The following IHO1 variants were observed in gnomAD, a reference collection of about 807,000 sequenced individuals.
The protein encoded by IHO1 is interactor of HORMAD1 1.
A neutral mutation model predicts 31.0 loss-of-function variants in IHO1; 13 were observed. That is an observed-to-expected ratio of 0.42 (90% CI 0.27 to 0.67). The LOEUF is 0.67. Among genes scored for constraint, IHO1 ranks in the 30% least tolerant of loss-of-function variants. The pLI, the probability that IHO1 is intolerant of heterozygous loss-of-function variation, is 0.24. For missense variants in IHO1, 599 were observed against 687.5 expected (o/e 0.87, Z 1.44); for synonymous variants, 221 against 248.4 (o/e 0.89, Z 1.04).
Position 49,244,443 on chromosome 3 carries a change from C to A in IHO1, c.435C>A (p.Ser145Arg). 1 of 1,561,118 alleles carries A rather than the reference C, an allele frequency of 6.4e-7. No homozygotes were observed. Among genetic ancestry groups the A allele is most frequent in the African/African-American group, 1.4e-5 (1 of 72,656 alleles). The change falls in exon 5 of 8, where the codon AGC becomes AGA. Residue 145 changes from serine (S) to arginine (R), a missense_variant. Ser to Arg is a moderately radical substitution (Grantham distance 110). Coordinates refer to ENST00000452691, the MANE Select transcript of IHO1 (RefSeq NM_001135197.2). ...ACTTTGTTTCTAATGTTAGAGAAAG[C>A]ATTCTCAGGGTAAGTACAGATACTT... is the stretch of plus-strand genomic sequence containing the variant. ...LYNFVSNVRE[S>R]ILRLQTSVEK...
intron 1 of IHO1, among the ~76,000 whole-genome samples, chr3:49,203,683 T>C (rs1422158495): frequency 1.3e-5 from 2 of 152,188 alleles, no homozygotes; most frequent in Non-Finnish European, 2.9e-5. Flanking sequence ...TCATGTAACA[T>C]TGGGAAATTC....
At chr3:49,210,015 C>CTCTT (rs1416896327) in intron 1 of IHO1, among the ~76,000 whole-genome samples, 20 of 150,056 alleles carry the variant, frequency 1.3e-4, no homozygotes, top group African/African-American at 3.2e-4. Flanking sequence ...CGCACCCAGC[C>CTCTT]TCTTTCTTTC....
rs765907948 is a variant in IHO1 at position 49,256,456 on chromosome 3, T to C, written c.959T>C (p.Val320Ala). ...MGSLQPGEFDVWGEGAKNDDL... is the reference protein window; with the variant it reads ...MGSLQPGEFDAWGEGAKNDDL... ...TCCCTACAGCCTGGAGAATTTGATGTCTGGGGTGAAGGAGCAAAGAATGAT... is the reference window on the plus strand; with the variant it reads ...TCCCTACAGCCTGGAGAATTTGATGCCTGGGGTGAAGGAGCAAAGAATGAT... Residue 320 changes from valine to alanine, a missense_variant, in exon 8 of 8, where the codon GTC becomes GCC. Physicochemically the swap from Val to Ala is moderately conservative, Grantham distance 64 (BLOSUM62 0). Coordinates refer to ENST00000452691, the MANE Select transcript of IHO1 (RefSeq NM_001135197.2). The surrounding 1 kb of genome is among the most constrained non-coding windows in gnomAD (Gnocchi z 4.6). 10 of 1,614,106 alleles carry C rather than the reference T, an allele frequency of 6.2e-6. No individual in the cohort carries two copies. In the South Asian group the frequency reaches 9.9e-5, roughly 16 times the overall value.
intron 2 of IHO1, among the ~76,000 whole-genome samples, chr3:49,231,994 T>G (rs1055778078): frequency 2.0e-5 from 3 of 152,256 alleles, no homozygotes; most frequent in African/African-American, 7.2e-5. Flanking sequence ...GACTAGCTTA[T>G]GTACATGTAT....
intron 1 of IHO1, among the ~76,000 whole-genome samples, chr3:49,204,348 G>T (rs1268246154): frequency 2.6e-5 from 4 of 152,126 alleles, no homozygotes; most frequent in Non-Finnish European, 5.9e-5. Context: ...TAGTTCTGCA[G>T]GGCTGGCTTC....
intron 6 of IHO1, among the ~76,000 whole-genome samples, chr3:49,248,338 G>C (rs1412776801): frequency 6.6e-6 from 1 of 151,950 alleles, no homozygotes; most frequent in Non-Finnish European, 1.5e-5. Flanking sequence ...AGAATGACGT[G>C]AACCCAGGAT....
At position 49,256,496 on chromosome 3, in the gene IHO1, G is replaced by A. The variant is rs1454006689; in HGVS notation, c.999G>A (p.Glu333=). The A allele has an allele frequency of 2.5e-6, 4 of 1,614,046 alleles. No homozygotes were observed. In the South Asian group the frequency reaches 3.3e-5, roughly 13 times the overall value. ...CAAAGAATGATGATCTCCAAGAAGA[G>A]GCTGCACTGCCAGCATTTGGGTCCC... ...EGAKNDDLQE[E]AALPAFGSHE... is the part of the protein sequence containing the mutation. The change falls in exon 8 of 8, where the codon GAG becomes GAA. Residue 333 remains glutamate, a synonymous_variant. Transcript: ENST00000452691. This position sits in a 1 kb window ranked among gnomAD's most constrained non-coding sequence, Gnocchi z 4.6.
intron 2 of IHO1, among the ~76,000 whole-genome samples, chr3:49,227,637 T>G (rs1310489636): frequency 6.6e-6 from 1 of 152,204 alleles, no homozygotes; most frequent in African/African-American, 2.4e-5. Flanking sequence ...TAGTGGCCCT[T>G]ACCAATGCAT....
intron 3 of IHO1, among the ~76,000 whole-genome samples, chr3:49,238,781 G>T (rs2046589826): frequency 6.6e-6 from 1 of 152,184 alleles, no homozygotes; most frequent in South Asian, 2.1e-4. Flanking sequence ...ACTCTGTGAA[G>T]TAACCTTGAG....
chr3:49,214,656 T>TTTTTTTTTTTA (rs2046266817), intron 2 of IHO1, among the ~76,000 whole-genome samples: 1 of 108,890 alleles, frequency 9.2e-6, no homozygotes, highest in East Asian at 2.8e-4. Flanking sequence ...TTTTTTTTTT[T>TTTTTTTTTTTA]GAGACGGAGT....
chr3:49,241,538 TACACACACACACACACACAC>T, intron 4 of IHO1, 149 bp downstream of exon 4: 1 of 477,516 alleles, frequency 2.1e-6, no homozygotes, highest in Middle Eastern at 5.8e-4. Context: ...TACACACACA[TACACACACACACACACACAC>T]ACAGACACAC....
At chr3:49,203,511 G>T (rs2046097333) in intron 1 of IHO1, among the ~76,000 whole-genome samples, 1 of 152,172 alleles carries the variant, frequency 6.6e-6, no homozygotes, top group Non-Finnish European at 1.5e-5. Context: ...TTGTAGGGAA[G>T]AGACTGGAGT....
At chr3:49,206,498 G>T (rs184332359) in intron 1 of IHO1, among the ~76,000 whole-genome samples, 137 of 152,262 alleles carry the variant, frequency 9.0e-4, no homozygotes, top group Non-Finnish European at 1.4e-3. Context: ...CCAAAGTGCT[G>T]GGATTACAGG....
At position 49,241,208 on chromosome 3, in the gene IHO1, AT is replaced by A. The variant is rs762132132; in HGVS notation, c.232-11del. 1.3e-6 allele frequency: 2 copies of A among 1,573,696 alleles called. No homozygotes were observed. Among genetic ancestry groups the A allele is most frequent in the Non-Finnish European group, 1.7e-6 (2 of 1,161,318 alleles). On this transcript the variant is annotated splice_polypyrimidine_tract_variant and intron_variant, in intron 3 of 7. Coordinates refer to ENST00000452691, the MANE Select transcript of IHO1 (RefSeq NM_001135197.2). ...TATTTTTATGTGTGAAATGCTATAT[AT>A]TTTTTTCATTTAACAGGGTGAACCT...
At chr3:49,192,156 A>T in the IHO1 span, among the ~76,000 whole-genome samples, 1 of 152,220 alleles carries the variant, frequency 6.6e-6, no homozygotes, top group Non-Finnish European at 1.5e-5. Flanking sequence ...TTTAGAAAGC[A>T]TTTCATGGAG....
intron 2 of IHO1, among the ~76,000 whole-genome samples, chr3:49,234,989 G>A (rs1354492083): frequency 6.6e-6 from 1 of 151,748 alleles, no homozygotes; most frequent in East Asian, 1.9e-4. Context: ...TGGGATTACA[G>A]GTGTCTGCCA....
rs566371925 is a variant in IHO1 at position 49,251,956 on chromosome 3, C to T, written c.533-3434C>T. ...AAGAGATTCTCCTGCCTCAGCCTCC[C>T]GAGTAGCTGGGATTACAGGCATCTG... On this transcript the variant is annotated intron_variant, in intron 6 of 7. Coordinates refer to ENST00000452691, the MANE Select transcript of IHO1 (RefSeq NM_001135197.2). Among the ~76,000 whole-genome samples the T allele has an allele frequency of 1.4e-3, 218 of 152,006 alleles. 3 individuals are homozygous for T. Among genetic ancestry groups the T allele is most frequent in the African/African-American group, 4.6e-3 (192 of 41,512 alleles).
intron 4 of IHO1, among the ~76,000 whole-genome samples, chr3:49,243,370 C>A (rs1370584818): frequency 1.3e-5 from 2 of 151,966 alleles, no homozygotes; most frequent in African/African-American, 4.8e-5. Flanking sequence ...GTCTCAAACT[C>A]CTGACCTCAG....
At chr3:49,239,466 G>C (rs1247114426) in intron 3 of IHO1, among the ~76,000 whole-genome samples, 1 of 151,350 alleles carries the variant, frequency 6.6e-6, no homozygotes, top group Admixed American at 6.6e-5. Context: ...ATTTTTAGTA[G>C]AGACAGGATT....
Sources: allele counts gnomAD v4.1 joint callset (sites outside exome capture counted in the v4.1 genomes callset), GRCh38; gene constraint gnomAD v4.1.1; non-coding constraint Gnocchi (gnomAD v3.1); transcripts MANE v1.5; gene names NCBI Gene and HGNC (gene_info 2026-07-23, HGNC 2026-07-21).